The following FARP1 variants were observed in gnomAD, a reference collection of about 807,000 sequenced individuals.
The protein encoded by FARP1 is FERM, ARH/RhoGEF and pleckstrin domain protein 1, also known as FERM, ARHGEF and pleckstrin domain-containing protein 1.
FARP1 carries 52 observed loss-of-function variants against 128.8 expected under a neutral mutation model. That is an observed-to-expected ratio of 0.40 (90% confidence interval 0.32 to 0.51). The LOEUF (loss-of-function observed/expected upper bound fraction) is 0.51. Among genes scored for constraint, FARP1 ranks in the 20% least tolerant of loss-of-function variants. FARP1 has a pLI of 0.45. For synonymous variants in FARP1, 580 were observed against 551.8 expected (o/e 1.05, Z -0.72); for missense variants, 1,333 against 1,367.9 (o/e 0.97, Z 0.40).
chr13:98,444,792 T>C (rs990282179), intron 24 of FARP1, among the ~76,000 whole-genome samples: 20 of 152,210 alleles, frequency 1.3e-4, no homozygotes, highest in African/African-American at 4.1e-4. Context: ...GTGAAAATTA[T>C]GTGAGTCAGT....
chr13:98,261,561 A>G (rs947208472), intron 2 of FARP1, among the ~76,000 whole-genome samples: 9 of 151,424 alleles, frequency 5.9e-5, no homozygotes, highest in African/African-American at 2.2e-4. Context: ...TGGGCTTTGA[A>G]TACAATGGGA....
intron 1 of FARP1, among the ~76,000 whole-genome samples, chr13:98,184,189 C>T (rs540543951): frequency 6.8e-6 from 1 of 147,974 alleles, no homozygotes; most frequent in East Asian, 2.0e-4. Context: ...GAGATCTCGG[C>T]TCACTGCAAC....
chr13:98,295,044 AT>A lies in FARP1; in HGVS notation c.172-48716del, dbSNP rs1566843809. Among the ~76,000 whole-genome samples the A allele has an allele frequency of 9.7e-5, 13 of 133,444 alleles. 2 individuals carry two copies. The highest frequency in any genetic ancestry group is 3.4e-4 in the African/African-American group (12 of 34,944). 87.5% of individuals were successfully genotyped at this position (133,444 alleles called of 152,430 possible). A position where few individuals can be genotyped will look rare whatever the true frequency, so the allele number is the denominator to read the frequency against. On this transcript the variant is annotated intron_variant, in intron 2 of 26. Transcript: ENST00000319562. Reference sequence around the variant, plus strand: ...GAAAAAAAAAATTATATATATATATATTACACACACACACACACACACACAC... The same window carrying A: ...GAAAAAAAAAATTATATATATATATATACACACACACACACACACACACAC...
At chr13:98,393,310 C>T (rs763795352) in intron 11 of FARP1, among the ~76,000 whole-genome samples, 2 of 152,152 alleles carry the variant, frequency 1.3e-5, no homozygotes, top group Non-Finnish European at 2.9e-5. Context: ...CATGGGAGGG[C>T]GCAGCCACAT....
intron 3 of FARP1, among the ~76,000 whole-genome samples, chr13:98,346,229 G>T (rs9584815): frequency 1.5e-5 from 2 of 131,672 alleles, no homozygotes; most frequent in Admixed American, 8.6e-5. Flanking sequence ...TTTCTCTGTC[G>T]CCCAGGCAGG....
intron 1 of FARP1, among the ~76,000 whole-genome samples, chr13:98,190,594 G>A (rs1028498057): frequency 6.6e-6 from 1 of 152,048 alleles, no homozygotes; most frequent in Non-Finnish European, 1.5e-5. Context: ...ACAGGGTCTC[G>A]CTCTGTTACT....
intron 2 of FARP1, among the ~76,000 whole-genome samples, chr13:98,274,899 T>G (rs1375453442): frequency 1.3e-5 from 2 of 152,238 alleles, no homozygotes; most frequent in Non-Finnish European, 2.9e-5. Flanking sequence ...ATCAGATCAC[T>G]TTATTCTCAA....
At chr13:98,430,406 G>A (rs1318391363) in intron 17 of FARP1, among the ~76,000 whole-genome samples, 1 of 152,214 alleles carries the variant, frequency 6.6e-6, no homozygotes, top group East Asian at 1.9e-4. Flanking sequence ...GCCTGGAAGT[G>A]TCCTTGCCTT....
At chr13:98,264,485 C>T (rs751700699) in intron 2 of FARP1, among the ~76,000 whole-genome samples, 91 of 152,162 alleles carry the variant, frequency 6.0e-4, no homozygotes, top group Admixed American at 2.6e-3. Context: ...GTGCTCAGAC[C>T]GACTGTCGTG....
At chr13:98,344,308 C>A (rs1318130074) in intron 3 of FARP1, among the ~76,000 whole-genome samples, 1 of 152,020 alleles carries the variant, frequency 6.6e-6, no homozygotes, top group African/African-American at 2.4e-5. Context: ...CTGGCAGGAG[C>A]TGGATGGATT....
chr13:98,178,388 G>C (rs1566706053), intron 1 of FARP1, among the ~76,000 whole-genome samples: 1 of 152,004 alleles, frequency 6.6e-6, no homozygotes, highest in African/African-American at 2.4e-5. Context: ...TAGCGACAGG[G>C]TTTCACCATG....
intron 2 of FARP1, among the ~76,000 whole-genome samples, chr13:98,339,961 A>G (rs934830193): frequency 1.3e-5 from 2 of 152,188 alleles, no homozygotes; most frequent in African/African-American, 4.8e-5. Flanking sequence ...CACTCCATAC[A>G]TTCACAGAAA....
chr13:98,202,975 C>T lies in FARP1; in HGVS notation c.-23-10245C>T, dbSNP rs188519840. Among the ~76,000 whole-genome samples the T allele has an allele frequency of 3.4e-4, 52 of 152,312 alleles. 2 individuals are homozygous for T. In the East Asian group the frequency reaches 9.6e-3, roughly 28 times the overall value. On this transcript the variant is annotated intron_variant, in intron 1 of 26. Coordinates refer to ENST00000319562, the MANE Select transcript of FARP1 (RefSeq NM_005766.4). ...CCTCAAGTGATCCTCCTGCCTCAGC[C>T]TCCCAAAATGTTGGGATTACAGGCA... is the stretch of plus-strand genomic sequence containing the variant.
intron 1 of FARP1, among the ~76,000 whole-genome samples, chr13:98,207,013 T>A (rs1880313521): frequency 6.6e-6 from 1 of 152,212 alleles, no homozygotes; most frequent in Admixed American, 6.5e-5. Context: ...AAGACGGCAT[T>A]TTATTACTGG....
At chr13:98,343,990 T>C (rs1888077251) in intron 3 of FARP1, 124 bp downstream of exon 3, 2 of 702,174 alleles carry the variant, frequency 2.8e-6, no homozygotes, top group African/African-American at 1.8e-5. Flanking sequence ...GTCTGTGAAG[T>C]CTTCAAATCT....
Position 98,444,398 on chromosome 13 carries a change from A to G in FARP1, c.2797-1700A>G, listed in dbSNP as rs542618514. Among the ~76,000 whole-genome samples the G allele has an allele frequency of 1.4e-4, 22 of 152,270 alleles. No homozygotes were observed. In the East Asian group the frequency reaches 1.7e-3, roughly 12 times the overall value. ...AGAAGGGAGAGGAGCGGTGGCCCCA[A>G]TGAAGGGCCACGAGGAGACAGGGCA... On this transcript the variant is annotated intron_variant, in intron 24 of 26. Coordinates refer to ENST00000319562, the MANE Select transcript of FARP1 (RefSeq NM_005766.4).
At chr13:98,201,406 G>A (rs796947015) in intron 1 of FARP1, among the ~76,000 whole-genome samples, 15 of 152,300 alleles carry the variant, frequency 9.8e-5, no homozygotes, top group African/African-American at 3.6e-4. Flanking sequence ...CTGAGATCGC[G>A]CCACTGCACT....
chr13:98,301,181 C>T (rs1297000655), intron 2 of FARP1, among the ~76,000 whole-genome samples: 2 of 152,210 alleles, frequency 1.3e-5, no homozygotes, highest in Admixed American at 6.5e-5. Context: ...TAATGCAGAG[C>T]TCATGCCAGC....
At position 98,431,137 on chromosome 13, in the gene FARP1, A is replaced by T; in HGVS notation, c.2000A>T (p.Asp667Val). The T allele has an allele frequency of 6.2e-7, 1 of 1,613,958 alleles. No individual in the cohort carries two copies. The highest frequency in any genetic ancestry group is 2.2e-5 in the East Asian group (1 of 44,864). Reference protein sequence around the residue: ...SSRRLENFCRDFELQKVCYLP... With the variant: ...SSRRLENFCRVFELQKVCYLP... Reference sequence around the variant, plus strand: ...CGGCGGCTGGAGAACTTCTGCAGAGACTTTGAGCTGCAGAAGGTGTGTTAC... The same window carrying T: ...CGGCGGCTGGAGAACTTCTGCAGAGTCTTTGAGCTGCAGAAGGTGTGTTAC... The change falls in exon 18 of 27, where the codon GAC becomes GTC. Residue 667 changes from aspartate (D) to valine (V), a missense_variant. Transcript: ENST00000319562.
Sources: gnomAD v4.1 joint callset for allele counts (sites outside exome capture counted in the v4.1 genomes callset) on GRCh38, gnomAD v4.1.1 for gene constraint, MANE v1.5 for transcripts, NCBI Gene and HGNC (gene_info 2026-07-23, HGNC 2026-07-21) for gene names.